RFX4: variants seen among roughly 807,000 people sequenced by gnomAD.
RFX4 encodes the protein regulatory factor X4, also known as transcription factor RFX4.
RFX4 carries 10 observed loss-of-function variants against 95.0 expected under a neutral mutation model. That is an observed-to-expected ratio of 0.11 (90% CI 0.06 to 0.18). RFX4 has a LOEUF of 0.18. Among genes scored for constraint, RFX4 ranks in the 10% least tolerant of loss-of-function variants. The pLI, the probability that RFX4 is intolerant of heterozygous loss-of-function variation, is 1.00. For missense variants in RFX4, 640 were observed against 922.0 expected (o/e 0.69, Z 3.96); for synonymous variants, 321 against 340.7 (o/e 0.94, Z 0.64).
chr12:106,746,559 CATAAA>C (rs2042899120), intron 15 of RFX4, among the ~76,000 whole-genome samples: 1 of 151,824 alleles, frequency 6.6e-6, no homozygotes, highest in African/African-American at 2.4e-5. Context: ...CTAACCATCT[CATAAA>C]ATATTAAGCA....
intron 9 of RFX4, among the ~76,000 whole-genome samples, chr12:106,710,233 G>T (rs1031966928): frequency 6.6e-6 from 1 of 152,240 alleles, no homozygotes. Context: ...AAGTGCCAGT[G>T]AACAAAATGA....
At position 106,734,453 on chromosome 12, in the gene RFX4, G is replaced by A. The variant is rs140568119; in HGVS notation, c.1633+1368G>A. On this transcript the variant is annotated intron_variant, in intron 15 of 17. Coordinates refer to ENST00000392842, the MANE Select transcript of RFX4 (RefSeq NM_213594.3). ...TCTACTAAAAATACAAAAATTAGCC[G>A]GGCATGGTAGCACATGCCTGTAATC... 7.2e-3 allele frequency among the ~76,000 whole-genome samples: 1,101 copies of A among 151,886 alleles called. 14 individuals are homozygous for A. The highest frequency in any genetic ancestry group is 0.026 in the African/African-American group (1,060 of 41,418).
intron 8 of RFX4, among the ~76,000 whole-genome samples, chr12:106,696,828 A>G (rs995406734): frequency 6.6e-6 from 1 of 152,204 alleles, no homozygotes; most frequent in African/African-American, 2.4e-5. Flanking sequence ...AAATGGTGAC[A>G]TACACTATAC....
chr12:106,721,366 TCCCTTTTGTTTCACTGA>T (rs2042393130), intron 13 of RFX4, among the ~76,000 whole-genome samples: 1 of 152,190 alleles, frequency 6.6e-6, no homozygotes, highest in Non-Finnish European at 1.5e-5. Context: ...GCATTCACTT[TCCCTTTTGTTTCACTGA>T]CCCTTTAAGT....
chr12:106,710,318 C>T (rs2042168661), intron 9 of RFX4, among the ~76,000 whole-genome samples: 1 of 152,158 alleles, frequency 6.6e-6, no homozygotes, highest in Non-Finnish European at 1.5e-5. Flanking sequence ...CTGCAGTGGC[C>T]ATCACCTATT....
intron 11 of RFX4, 132 bp downstream of exon 11, chr12:106,715,676 G>A (rs2042274331): frequency 9.4e-7 from 1 of 1,066,776 alleles, no homozygotes; most frequent in African/African-American, 1.6e-5. Flanking sequence ...GTTCCTTATT[G>A]TTCCTTTTAA....
chr12:106,639,988 T>C (rs866939962), intron 3 of RFX4, among the ~76,000 whole-genome samples: 1 of 152,204 alleles, frequency 6.6e-6, no homozygotes, highest in African/African-American at 2.4e-5. Flanking sequence ...ATGAAGAATC[T>C]TGGCCATTGA....
chr12:106,652,186 C>T (rs1343831496), intron 3 of RFX4, among the ~76,000 whole-genome samples: 2 of 152,174 alleles, frequency 1.3e-5, no homozygotes, highest in Non-Finnish European at 1.5e-5. Flanking sequence ...GAATGTAAGC[C>T]TGTTCAGGAC....
At chr12:106,679,758 T>C (rs758938444) in intron 4 of RFX4, among the ~76,000 whole-genome samples, 2 of 152,202 alleles carry the variant, frequency 1.3e-5, no homozygotes, top group Non-Finnish European at 2.9e-5. Context: ...TGTGCCTTTG[T>C]GAACAGCTGC....
At chr12:106,694,766 G>A (rs957786842) in intron 7 of RFX4, among the ~76,000 whole-genome samples, 5 of 152,216 alleles carry the variant, frequency 3.3e-5, no homozygotes, top group Middle Eastern at 3.4e-3. Context: ...GCGGCCAGGC[G>A]GTGGCTCACT....
At chr12:106,623,175 A>G (rs1027731864) in intron 2 of RFX4, among the ~76,000 whole-genome samples, 2 of 150,408 alleles carry the variant, frequency 1.3e-5, no homozygotes, top group Non-Finnish European at 2.9e-5. Context: ...AGTAGCTGGG[A>G]CTACAGGCGC....
chr12:106,585,734 T>C (rs796579434), intron 1 of RFX4: 10 of 152,324 alleles, frequency 6.6e-5, no homozygotes, highest in African/African-American at 2.4e-4. Flanking sequence ...GCTGTTATTA[T>C]ATCATTCCGA....
At chr12:106,618,057 GTC>G (rs2137228754) in intron 2 of RFX4, among the ~76,000 whole-genome samples, 1 of 152,254 alleles carries the variant, frequency 6.6e-6, no homozygotes, top group South Asian at 2.1e-4. Flanking sequence ...CCAACATATA[GTC>G]TATTTTGGTT....
intron 4 of RFX4, among the ~76,000 whole-genome samples, chr12:106,655,250 T>A (rs2040933772): frequency 6.6e-6 from 1 of 152,160 alleles, no homozygotes. Context: ...GGCTGAGAAA[T>A]GGCTCCATTC....
At chr12:106,711,591 G>A (rs2042192075) in intron 10 of RFX4, 80 bp downstream of exon 10, 1 of 1,205,276 alleles carries the variant, frequency 8.3e-7, no homozygotes, top group Admixed American at 1.7e-5. Flanking sequence ...ACAACCTCCT[G>A]CAGGATCTTT....
intron 4 of RFX4, among the ~76,000 whole-genome samples, chr12:106,659,774 T>A (rs1565968442): frequency 6.6e-6 from 1 of 152,200 alleles, no homozygotes; most frequent in African/African-American, 2.4e-5. Context: ...ACTCAGGATG[T>A]GAACCAAGGA....
At chr12:106,702,704 T>C (rs947567877) in intron 8 of RFX4, among the ~76,000 whole-genome samples, 6 of 152,204 alleles carry the variant, frequency 3.9e-5, no homozygotes, top group African/African-American at 1.4e-4. Flanking sequence ...TGGTGGTTTC[T>C]AGCAGGGTTA....
chr12:106,641,266 A>G (rs993451909), intron 3 of RFX4, among the ~76,000 whole-genome samples: 2 of 152,134 alleles, frequency 1.3e-5, no homozygotes, highest in South Asian at 2.1e-4. Context: ...TTAACTCCCA[A>G]CTCTGCCACT....
chr12:106,675,772 C>G (rs2041380738), intron 4 of RFX4, among the ~76,000 whole-genome samples: 1 of 152,140 alleles, frequency 6.6e-6, no homozygotes, highest in Non-Finnish European at 1.5e-5. Context: ...AGAGAGGGCT[C>G]TGGACAATGA....
Sources: allele counts gnomAD v4.1 joint callset (sites outside exome capture counted in the v4.1 genomes callset), GRCh38; gene constraint gnomAD v4.1.1; transcripts MANE v1.5; gene names NCBI Gene and HGNC (gene_info 2026-07-23, HGNC 2026-07-21).